Variants in MIR2052HG observed in about 807,000 individuals in gnomAD.
MIR2052HG encodes the protein MIR2052 host gene.
At chr8:74,702,016 T>C (rs1209899999) in intron 2 of MIR2052HG, among the ~76,000 whole-genome samples, 1 of 152,104 alleles carries the variant, frequency 6.6e-6, no homozygotes, top group East Asian at 1.9e-4. Context: ...ATTAAGGTCA[T>C]ACAATTTCCA....
intron 4 of MIR2052HG, among the ~76,000 whole-genome samples, chr8:74,740,095 T>C (rs777201626): frequency 3.3e-5 from 5 of 152,242 alleles, no homozygotes; most frequent in Non-Finnish European, 5.9e-5. Flanking sequence ...GCTTTGACCA[T>C]GACTTAAAAA....
intron 2 of MIR2052HG, among the ~76,000 whole-genome samples, chr8:74,638,499 A>G (rs913552140): frequency 6.6e-6 from 1 of 152,154 alleles, no homozygotes; most frequent in African/African-American, 2.4e-5. Context: ...AGCTCTTGCA[A>G]TTGCTCAGGT....
chr8:74,698,992 C>G (rs2553709), intron 2 of MIR2052HG, among the ~76,000 whole-genome samples: 24,377 of 152,024 alleles, frequency 0.16, 2,649 homozygotes, highest in Middle Eastern at 0.29. Flanking sequence ...AAATGGCCAA[C>G]AAACATATGA....
rs571556159 is a variant in MIR2052HG at position 74,647,193 on chromosome 8, A to G, written n.216+34253A>G. 3.9e-5 allele frequency among the ~76,000 whole-genome samples: 6 copies of G among 152,258 alleles called. No individual in the cohort carries two copies. The South Asian group carries it at 8.3e-4, about 21-fold the overall frequency. On this transcript the variant is annotated intron_variant and non_coding_transcript_variant, in intron 2 of 6. Transcript: ENST00000523442. The stretch of plus-strand genomic sequence containing the variant: ...TATATGGCCTTTCTGTCTCTTACAT[A>G]TACACACATGGTATTTCAGCAAAGA...
chr8:74,746,854 C>A (rs1586930566), intron 4 of MIR2052HG, among the ~76,000 whole-genome samples: 1 of 151,964 alleles, frequency 6.6e-6, no homozygotes. Context: ...AAGTAGCCAA[C>A]TCTGATATTA....
chr8:74,707,669 T>C lies in MIR2052HG; in HGVS notation n.371+3987T>C, dbSNP rs113423899. ...TTCCAGTCCAGATGCTCCTGGAGTGTTTTTATGTATGAGACATTGTCTGCT... is the reference window on the plus strand; with the variant it reads ...TTCCAGTCCAGATGCTCCTGGAGTGCTTTTATGTATGAGACATTGTCTGCT... On this transcript the variant is annotated intron_variant and non_coding_transcript_variant, in intron 4 of 6. Coordinates refer to ENST00000523442, the Ensembl canonical transcript of MIR2052HG. 1.7e-4 allele frequency among the ~76,000 whole-genome samples: 26 copies of C among 152,172 alleles called. 3 individuals are homozygous for C. The highest frequency in any genetic ancestry group is 6.0e-4 in the African/African-American group (25 of 41,536).
intron 1 of MIR2052HG, chr8:74,604,338 T>C: frequency 2.5e-6 from 1 of 402,688 alleles, no homozygotes; most frequent in South Asian, 2.0e-5. Flanking sequence ...GCGAGGCGAC[T>C]GAGGGGAAAA....
chr8:74,662,363 C>T (rs1042056437), intron 2 of MIR2052HG, among the ~76,000 whole-genome samples: 11 of 150,858 alleles, frequency 7.3e-5, no homozygotes, highest in African/African-American at 2.4e-4. Flanking sequence ...TCCAGCCTTC[C>T]GCATAAGAAG....
intron 4 of MIR2052HG, among the ~76,000 whole-genome samples, chr8:74,746,468 A>G (rs184741700): frequency 3.9e-5 from 6 of 152,160 alleles, no homozygotes; most frequent in Non-Finnish European, 1.5e-5. Context: ...AAATAAGTAA[A>G]TAACTCCAAG....
chr8:74,689,007 AC>A (rs1358057339), intron 2 of MIR2052HG, among the ~76,000 whole-genome samples: 9 of 152,338 alleles, frequency 5.9e-5, no homozygotes, highest in Non-Finnish European at 1.5e-5. Flanking sequence ...GAAAAACAAT[AC>A]ATTATGAATT....
intron 2 of MIR2052HG, among the ~76,000 whole-genome samples, chr8:74,692,985 G>A (rs1307161175): frequency 6.6e-6 from 1 of 152,142 alleles, no homozygotes; most frequent in Non-Finnish European, 1.5e-5. Flanking sequence ...CATGAAAATG[G>A]CTTTGATTCA....
chr8:74,603,848 T>A lies in MIR2052HG; in HGVS notation n.128+3940T>A, dbSNP rs778933011. 86 of 890,530 alleles carry A rather than the reference T, an allele frequency of 9.7e-5. No individual in the cohort carries two copies. In the African/African-American group the frequency reaches 1.1e-3, roughly 11 times the overall value. 55.2% of individuals were successfully genotyped at this position (890,530 alleles called of 1,614,324 possible). ...GAGTTGGGTAGCATATCCCCTGCCA[T>A]CTAGACCTGAGCCCCTGTACTCTCT... On this transcript the variant is annotated intron_variant and non_coding_transcript_variant, in intron 1 of 6. Coordinates refer to ENST00000523442, the Ensembl canonical transcript of MIR2052HG.
chr8:74,617,453 TTGGGTG>T (rs1424976304), intron 2 of MIR2052HG, among the ~76,000 whole-genome samples: 2 of 89,984 alleles, frequency 2.2e-5, no homozygotes, highest in Admixed American at 1.1e-4. Flanking sequence ...TAGTATTCCA[TTGGGTG>T]TGTGTGTGTG....
At chr8:74,712,231 A>G (rs1809475089) in intron 4 of MIR2052HG, among the ~76,000 whole-genome samples, 1 of 152,184 alleles carries the variant, frequency 6.6e-6, no homozygotes, top group Admixed American at 6.5e-5. Flanking sequence ...AACACATGTA[A>G]AGTATGTAGA....
intron 5 of MIR2052HG, among the ~76,000 whole-genome samples, chr8:74,755,434 A>G (rs965138148): frequency 6.6e-6 from 1 of 152,216 alleles, no homozygotes; most frequent in Non-Finnish European, 1.5e-5. Flanking sequence ...TAGCCATTGT[A>G]GTTAACATTG....
chr8:74,714,175 G>A (rs554285708), intron 4 of MIR2052HG, among the ~76,000 whole-genome samples: 1 of 152,262 alleles, frequency 6.6e-6, no homozygotes, highest in South Asian at 2.1e-4. Context: ...GTCTTTGACT[G>A]GAAAGCTTCC....
chr8:74,646,577 A>G (rs1387877161), intron 2 of MIR2052HG, among the ~76,000 whole-genome samples: 1 of 152,182 alleles, frequency 6.6e-6, no homozygotes, highest in African/African-American at 2.4e-5. Flanking sequence ...GAGAAACAAA[A>G]AGATATGTTT....
chr8:74,736,874 C>T (rs1262461180), intron 4 of MIR2052HG, among the ~76,000 whole-genome samples: 1 of 152,156 alleles, frequency 6.6e-6, no homozygotes, highest in East Asian at 1.9e-4. Flanking sequence ...TTCTGAGCTA[C>T]TGTAGGAGTT....
intron 2 of MIR2052HG, among the ~76,000 whole-genome samples, chr8:74,649,325 G>A (rs1808728404): frequency 2.6e-5 from 4 of 151,948 alleles, no homozygotes; most frequent in Admixed American, 2.0e-4. Context: ...AGTTCCTTCG[G>A]TTTTGCATTT....
Sources: allele counts gnomAD v4.1 joint callset (sites outside exome capture counted in the v4.1 genomes callset), GRCh38; gene constraint gnomAD v4.1.1; transcripts MANE v1.5; gene names NCBI Gene and HGNC (gene_info 2026-07-23, HGNC 2026-07-21).